The following TTC7B variants were observed in gnomAD, a reference collection of about 807,000 sequenced individuals.
The protein encoded by TTC7B is tetratricopeptide repeat protein 7B.
In TTC7B, 28 loss-of-function variants were observed where a neutral mutation model predicts 106.8. The observed-to-expected ratio is 0.26, with a 90% confidence interval of 0.19 to 0.36. The LOEUF (loss-of-function observed/expected upper bound fraction) is 0.36, where lower values mean the gene tolerates loss of function less well. Ranked by LOEUF, TTC7B falls within the 10% of genes least tolerant of loss-of-function variation. The probability of loss-of-function intolerance (pLI) is 1.00; values close to 1 mark genes in which losing one functional copy is unlikely to be tolerated. For synonymous variants in TTC7B, 405 were observed against 430.6 expected, an observed-to-expected ratio of 0.94 and a Z score of 0.74; for missense variants, 862 against 1,076.4, an observed-to-expected ratio of 0.80 and a Z score of 2.79.
intron 15 of TTC7B, among the ~76,000 whole-genome samples, chr14:90,637,212 A>G (rs998143006): frequency 2.2e-4 from 34 of 152,174 alleles, no homozygotes; most frequent in African/African-American, 8.2e-4. Flanking sequence ...AACAAATGCC[A>G]TATGAAAAAT....
At chr14:90,656,621 G>A (rs957071037) in intron 11 of TTC7B, among the ~76,000 whole-genome samples, 22 of 152,248 alleles carry the variant, frequency 1.4e-4, no homozygotes, top group Admixed American at 1.2e-3. Flanking sequence ...GTAAGACCCT[G>A]TCTCTACAAA....
chr14:90,757,780 A>G lies in TTC7B; in HGVS notation c.446-12858T>C, dbSNP rs1243549206. Among the ~76,000 whole-genome samples the G allele has an allele frequency of 6.6e-6, 1 of 152,202 alleles. No homozygotes were observed. The highest frequency in any genetic ancestry group is 1.5e-5 in the Non-Finnish European group (1 of 68,032). ...GACTGGGATTAGATCTCACTTGAAG[A>G]CATGAATCTCTCAAGGAACACTCCA... On this transcript the variant is annotated intron_variant, in intron 3 of 19. Coordinates refer to ENST00000328459, the MANE Select transcript of TTC7B (RefSeq NM_001010854.2). This position sits in a 1 kb window ranked among gnomAD's most constrained non-coding sequence, Gnocchi z 4.1.
chr14:90,769,291 A>C (rs528541829), intron 3 of TTC7B, among the ~76,000 whole-genome samples: 1 of 152,362 alleles, frequency 6.6e-6, no homozygotes, highest in Admixed American at 6.5e-5. Flanking sequence ...CATGTAGAAA[A>C]TATAGCAAAT....
chr14:90,621,474 C>G (rs1418367626), intron 15 of TTC7B, among the ~76,000 whole-genome samples: 3 of 148,010 alleles, frequency 2.0e-5, no homozygotes, highest in African/African-American at 7.5e-5. Flanking sequence ...AGAAGCCATG[C>G]GGGTATGGCT....
rs1438978243 is a variant in TTC7B, at chr14:90,532,350, C to T, written c.*9018G>A. On this transcript the variant is annotated 3_prime_UTR_variant, in exon 20 of 20. Coordinates refer to ENST00000328459, the MANE Select transcript of TTC7B (RefSeq NM_001010854.2). ...ATTTGTACATTACAGGATGCTCTTC[C>T]CTCTTCACATGGTCTGGTCCTTGCT... 1 of 152,124 alleles carries T rather than the reference C, an allele frequency of 6.6e-6. No homozygotes were observed. Among genetic ancestry groups the T allele is most frequent in the African/African-American group, 2.4e-5 (1 of 41,430 alleles). The allele number at this position is 152,124 out of a possible 1,614,324, so 9.4% of individuals were successfully genotyped here. A position where few individuals can be genotyped will look rare whatever the true frequency, so the allele number is the denominator to read the frequency against.
At position 90,608,417 on chromosome 14, in the gene TTC7B, C is replaced by A. The variant is rs950601152; in HGVS notation, c.1966+2325G>T. ...GTGGTGTAGGGCTGGTGGCAGGAGT[C>A]TCAGAAGGACTCGCGTGGATGACTC... On this transcript the variant is annotated intron_variant, in intron 17 of 19. Coordinates refer to ENST00000328459, the MANE Select transcript of TTC7B (RefSeq NM_001010854.2). This position sits in a 1 kb window ranked among gnomAD's most constrained non-coding sequence, Gnocchi z 5.1. Among the ~76,000 whole-genome samples the A allele has an allele frequency of 6.6e-6, 1 of 151,702 alleles. No individual in the cohort carries two copies. The highest frequency in any genetic ancestry group is 1.5e-5 in the Non-Finnish European group (1 of 67,928).
chr14:90,592,983 C>T (rs2139821183), intron 18 of TTC7B, among the ~76,000 whole-genome samples: 2 of 152,266 alleles, frequency 1.3e-5, no homozygotes, highest in African/African-American at 2.4e-5. Flanking sequence ...CACCTCCTGG[C>T]CCTCTCTCAG....
chr14:90,670,626 G>C (rs1309509610), intron 9 of TTC7B, among the ~76,000 whole-genome samples: 1 of 152,128 alleles, frequency 6.6e-6, no homozygotes, highest in Non-Finnish European at 1.5e-5. Flanking sequence ...CAAACGTGTT[G>C]GCATTTTCAT....
chr14:90,708,738 C>T (rs1358156392), intron 5 of TTC7B, among the ~76,000 whole-genome samples: 1 of 152,296 alleles, frequency 6.6e-6, no homozygotes, highest in South Asian at 2.1e-4. Flanking sequence ...GTAATTCTGA[C>T]TTACTGTTTA....
chr14:90,571,075 G>A (rs1054473306), intron 19 of TTC7B, among the ~76,000 whole-genome samples: 2 of 152,196 alleles, frequency 1.3e-5, no homozygotes, highest in Non-Finnish European at 2.9e-5. Flanking sequence ...GTGACCTGGG[G>A]CAGGTGACCA....
chr14:90,780,464 G>GAA (rs1405830975), intron 3 of TTC7B, among the ~76,000 whole-genome samples: 35 of 136,456 alleles, frequency 2.6e-4, no homozygotes, highest in Non-Finnish European at 3.6e-4. Context: ...AAGAAAGAAA[G>GAA]AAAGAAAAAG....
At chr14:90,784,228 T>G (rs544435195) in intron 2 of TTC7B, among the ~76,000 whole-genome samples, 1 of 152,202 alleles carries the variant, frequency 6.6e-6, no homozygotes, top group South Asian at 2.1e-4. Flanking sequence ...GACCTACCCC[T>G]GTGTCCACCT....
chr14:90,616,813 G>A (rs968716741), intron 16 of TTC7B, among the ~76,000 whole-genome samples: 9 of 152,202 alleles, frequency 5.9e-5, no homozygotes, highest in African/African-American at 1.7e-4. Context: ...CCCACTGCCC[G>A]CCTCACCCTT....
chr14:90,767,366 G>GA (rs1371112552), intron 3 of TTC7B, among the ~76,000 whole-genome samples: 2 of 152,204 alleles, frequency 1.3e-5, no homozygotes, highest in Non-Finnish European at 2.9e-5. Context: ...GCTATGGTTT[G>GA]AATGTGTCCC....
intron 18 of TTC7B, among the ~76,000 whole-genome samples, chr14:90,590,922 T>G (rs1742222617): frequency 1.3e-5 from 2 of 152,206 alleles, no homozygotes; most frequent in Admixed American, 1.3e-4. Flanking sequence ...CTTTCCATAG[T>G]TCAATTCCAC....
intron 1 of TTC7B, among the ~76,000 whole-genome samples, chr14:90,799,999 A>G (rs544047239): frequency 1.3e-5 from 2 of 151,934 alleles, no homozygotes; most frequent in South Asian, 4.2e-4. Context: ...CGCCCAGCTA[A>G]TTTTTGGTAT....
chr14:90,699,413 G>T, intron 5 of TTC7B: 1 of 344,702 alleles, frequency 2.9e-6, no homozygotes, highest in Non-Finnish European at 5.6e-6. Context: ...TTGGGAGTAG[G>T]GTGGGAAAAG....
chr14:90,677,913 C>T, intron 8 of TTC7B: 1 of 427,744 alleles, frequency 2.3e-6, no homozygotes, highest in Non-Finnish European at 4.6e-6. Context: ...CTTACGGAAA[C>T]AAGCCTGCTT....
chr14:90,542,099 C>G (rs1393287518), intron 19 of TTC7B, among the ~76,000 whole-genome samples: 1 of 152,152 alleles, frequency 6.6e-6, no homozygotes, highest in Non-Finnish European at 1.5e-5. Context: ...GCCACCACGC[C>G]CGGCTAATTT....
Sources: gnomAD v4.1 joint callset for allele counts (sites outside exome capture counted in the v4.1 genomes callset) on GRCh38, gnomAD v4.1.1 for gene constraint, Gnocchi (gnomAD v3.1) non-coding constraint, MANE v1.5 for transcripts, NCBI Gene and HGNC (gene_info 2026-07-23, HGNC 2026-07-21) for gene names.